Variants in DNAJC18 observed in about 807,000 individuals in gnomAD.
DNAJC18 encodes DnaJ heat shock protein family (Hsp40) member C18.
In DNAJC18, 40 loss-of-function variants were observed where a neutral mutation model predicts 48.6. That is an observed-to-expected ratio of 0.82 (90% CI 0.64 to 1.07). The LOEUF (loss-of-function observed/expected upper bound fraction) is 1.07. DNAJC18 is among the 50% of genes least tolerant of loss of function. The pLI is 0.00. For synonymous variants in DNAJC18, 135 were observed against 152.2 expected (o/e 0.89, Z 0.83); for missense variants, 340 against 427.7 (o/e 0.79, Z 1.81).
chr5:139,438,709 T>A (rs971133809), intron 1 of DNAJC18, among the ~76,000 whole-genome samples: 8 of 152,314 alleles, frequency 5.3e-5, no homozygotes, highest in African/African-American at 1.9e-4. Flanking sequence ...TTGTCACCAT[T>A]TGTAACACTT....
chr5:139,420,042 C>T lies in DNAJC18; in HGVS notation c.952+11G>A, dbSNP rs1458245232. On this transcript the variant is annotated intron_variant, in intron 7 of 7. Transcript: ENST00000302060. ...CAGCCACCAGCTAATGCCCCTTTTACAGTATCTTACTTTGTTGTTTCTCCT... is the reference window on the plus strand; with the variant it reads ...CAGCCACCAGCTAATGCCCCTTTTATAGTATCTTACTTTGTTGTTTCTCCT... The T allele has an allele frequency of 3.2e-6, 5 of 1,549,146 alleles. No homozygotes were observed. In the African/African-American group the frequency reaches 4.2e-5, roughly 13 times the overall value.
At position 139,439,503 on chromosome 5, in the gene DNAJC18, A is replaced by G; in HGVS notation, c.-58T>C. The G allele has an allele frequency of 2.5e-6, 4 of 1,612,904 alleles. No homozygotes were observed. The highest frequency in any genetic ancestry group is 3.4e-6 in the Non-Finnish European group (4 of 1,179,642). On this transcript the variant is annotated 5_prime_UTR_variant, in exon 1 of 8. Coordinates refer to ENST00000302060, the MANE Select transcript of DNAJC18 (RefSeq NM_152686.4). The surrounding 1 kb of genome is among the most constrained non-coding windows in gnomAD (Gnocchi z 4.1). ...CCCCCGTGCCCGAGGCTGAAAGAGA[A>G]GGGGGCGCGGAGCGCGGGGCACGCT... is the stretch of plus-strand genomic sequence containing the variant.
intron 7 of DNAJC18, among the ~76,000 whole-genome samples, chr5:139,414,647 C>T (rs1421051527): frequency 6.6e-6 from 1 of 152,264 alleles, no homozygotes; most frequent in Non-Finnish European, 1.5e-5. Flanking sequence ...TGGCCTATTC[C>T]TGTCATCTGA....
At chr5:139,427,371 C>T (rs1219434250) in intron 3 of DNAJC18, among the ~76,000 whole-genome samples, 1 of 151,900 alleles carries the variant, frequency 6.6e-6, no homozygotes, top group Non-Finnish European at 1.5e-5. Flanking sequence ...CAATAGAAAC[C>T]TCAAAAAAAA....
At chr5:139,438,873 C>A (rs113264510) in intron 1 of DNAJC18, among the ~76,000 whole-genome samples, 3,673 of 152,256 alleles carry the variant, frequency 0.024, 73 homozygotes, top group Middle Eastern at 0.065. Context: ...CAGTGGGCTG[C>A]GAGTTTTGTG....
chr5:139,428,063 G>A (rs563361027), intron 3 of DNAJC18, among the ~76,000 whole-genome samples: 1 of 152,218 alleles, frequency 6.6e-6, no homozygotes, highest in South Asian at 2.1e-4. Flanking sequence ...AGGATTACAG[G>A]TGTGAGCCAC....
rs1297475766 is a variant in DNAJC18 at position 139,410,940 on chromosome 5, T to G, written c.*3208A>C. On this transcript the variant is annotated 3_prime_UTR_variant, in exon 8 of 8. Coordinates refer to ENST00000302060, the MANE Select transcript of DNAJC18 (RefSeq NM_152686.4). ...CGTGCTACCATGCCCGCCTAATTTT[T>G]GTATTTTTAGTACAGACAGGGTTTC... is the stretch of plus-strand genomic sequence containing the variant. 6.6e-6 allele frequency: 1 copy of G among 152,058 alleles called. No homozygotes were observed. The highest frequency in any genetic ancestry group is 2.4e-5 in the African/African-American group (1 of 41,380). The allele number at this position is 152,058 out of a possible 1,614,324, so 9.4% of individuals were successfully genotyped here. A position where few individuals can be genotyped will look rare whatever the true frequency, so the allele number is the denominator to read the frequency against.
intron 7 of DNAJC18, among the ~76,000 whole-genome samples, chr5:139,415,920 G>A (rs554581653): frequency 6.6e-6 from 1 of 152,202 alleles, no homozygotes; most frequent in Admixed American, 6.5e-5. Flanking sequence ...TTAAGGGCTA[G>A]TGACTCTTTA....
chr5:139,439,254 C>A lies in DNAJC18; in HGVS notation c.40+152G>T, dbSNP rs1750742670. Reference sequence around the variant, plus strand: ...CGGTCGGTCCCCAGCTTCCCTACCCCATCCGCAACCCTACTCAGGCTCAGC... The same window carrying A: ...CGGTCGGTCCCCAGCTTCCCTACCCAATCCGCAACCCTACTCAGGCTCAGC... On this transcript the variant is annotated intron_variant, in intron 1 of 7. Transcript: ENST00000302060. The surrounding 1 kb of genome is among the most constrained non-coding windows in gnomAD (Gnocchi z 4.1). 7.7e-7 allele frequency: 1 copy of A among 1,302,622 alleles called. No homozygotes were observed. Among genetic ancestry groups the A allele is most frequent in the Non-Finnish European group, 1.1e-6 (1 of 926,686 alleles). The allele number at this position is 1,302,622 out of a possible 1,614,324, so 80.7% of individuals were successfully genotyped here.
chr5:139,432,461 C>A (rs1759345531), intron 2 of DNAJC18, among the ~76,000 whole-genome samples: 1 of 151,970 alleles, frequency 6.6e-6, no homozygotes, highest in Admixed American at 6.6e-5. Context: ...CCGCGCCTGG[C>A]CACAGAACTT....
intron 3 of DNAJC18, 22 bp from the exon 4 acceptor site, chr5:139,426,379 A>C: frequency 1.9e-6 from 3 of 1,612,100 alleles, no homozygotes; most frequent in Non-Finnish European, 2.5e-6. Flanking sequence ...AAGAACCAGC[A>C]CATGAGGACA....
intron 1 of DNAJC18, among the ~76,000 whole-genome samples, chr5:139,438,816 T>C (rs914532592): frequency 2.6e-5 from 4 of 152,176 alleles, no homozygotes; most frequent in Non-Finnish European, 5.9e-5. Context: ...AGGCGTTTTG[T>C]ATTATTCGCC....
intron 2 of DNAJC18, among the ~76,000 whole-genome samples, chr5:139,430,030 G>T (rs1453055131): frequency 6.6e-6 from 1 of 152,180 alleles, no homozygotes; most frequent in Non-Finnish European, 1.5e-5. Context: ...TTAGATTAGA[G>T]TGGCAGTTCT....
rs764176827 is a variant in DNAJC18, at chr5:139,414,223, T to C, written c.1002A>G (p.Lys334=). The C allele has an allele frequency of 5.0e-6, 8 of 1,614,074 alleles. No homozygotes were observed. The highest frequency in any genetic ancestry group is 6.8e-6 in the Non-Finnish European group (8 of 1,180,034). Residue 334 remains lysine, a synonymous_variant, in exon 8 of 8, where the codon AAA becomes AAG. Coordinates refer to ENST00000302060, the MANE Select transcript of DNAJC18 (RefSeq NM_152686.4). ...CAAGTTTCAGCGACTCTGCTTTCTGTTTCAATCGTTCATCTCTGTATAATC... is the reference window on the plus strand; with the variant it reads ...CAAGTTTCAGCGACTCTGCTTTCTGCTTCAATCGTTCATCTCTGTATAATC... The part of the protein sequence containing the change: ...LAGLYRDERL[K]QKAESLKLEN...
At position 139,413,183 on chromosome 5, in the gene DNAJC18, CTGGG is replaced by C. The variant is rs1333626306; in HGVS notation, c.*961_*964del. 1 of 283,558 alleles carries C rather than the reference CTGGG, an allele frequency of 3.5e-6. No homozygotes were observed. The highest frequency in any genetic ancestry group is 6.1e-5 in the East Asian group (1 of 16,416). The allele number at this position is 283,558 out of a possible 1,614,324, so 17.6% of individuals were successfully genotyped here. On this transcript the variant is annotated 3_prime_UTR_variant, in exon 8 of 8. Transcript: ENST00000302060. The stretch of plus-strand genomic sequence containing the variant: ...ATCTCAAATCACAAACTATAGGATA[CTGGG>C]TTAAACAAAGTGGCTGCTGGGGCCA...
rs1759109734 is a variant in DNAJC18, at chr5:139,419,001, G to T, written c.952+1052C>A. 7.3e-5 allele frequency: 30 copies of T among 412,180 alleles called. 1 individual carries two copies. Among genetic ancestry groups the T allele is most frequent in the South Asian group, 5.3e-4 (30 of 56,956 alleles). The allele number at this position is 412,180 out of a possible 1,614,324, so 25.5% of individuals were successfully genotyped here. A position where few individuals can be genotyped will look rare whatever the true frequency, so the allele number is the denominator to read the frequency against. On this transcript the variant is annotated intron_variant, in intron 7 of 7. Coordinates refer to ENST00000302060, the MANE Select transcript of DNAJC18 (RefSeq NM_152686.4). ...CAGAGGAAGGAGAGCTTAACTTGAG[G>T]GCGGGGTTGGGAGTGTGTGATGGTC...
At chr5:139,417,296 A>T (rs1025322841) in intron 7 of DNAJC18, among the ~76,000 whole-genome samples, 1 of 152,228 alleles carries the variant, frequency 6.6e-6, no homozygotes, top group Non-Finnish European at 1.5e-5. Context: ...TAACCTTGCT[A>T]AAAACAGTTT....
At chr5:139,429,017 CCT>C (rs992964680) in intron 2 of DNAJC18, among the ~76,000 whole-genome samples, 5 of 151,908 alleles carry the variant, frequency 3.3e-5, no homozygotes, top group Non-Finnish European at 5.9e-5. Context: ...AGTTAATCAC[CCT>C]GTTTGTTTAT....
chr5:139,437,332 T>C, intron 2 of DNAJC18, 40 bp downstream of exon 2: 1 of 1,556,584 alleles, frequency 6.4e-7, no homozygotes, highest in South Asian at 1.2e-5. Context: ...TTCTAAGCAC[T>C]TTCCATAAAA....
Sources: allele counts gnomAD v4.1 joint callset (sites outside exome capture counted in the v4.1 genomes callset), GRCh38; gene constraint gnomAD v4.1.1; non-coding constraint Gnocchi (gnomAD v3.1); transcripts MANE v1.5; gene names NCBI Gene and HGNC (gene_info 2026-07-23, HGNC 2026-07-21).